Variants in SRBD1 observed in about 807,000 individuals in gnomAD.
SRBD1 encodes the protein S1 RNA binding domain 1, also known as S1 RNA-binding domain-containing protein 1.
Under a neutral mutation model 115.3 loss-of-function variants are expected in SRBD1, and 88 were observed. That is an observed-to-expected ratio of 0.76 (90% CI 0.64 to 0.91). The LOEUF is 0.91. Ranked by LOEUF, SRBD1 falls within the 40% of genes least tolerant of loss-of-function variation. SRBD1 has a pLI of 0.00. For missense variants in SRBD1, 1,385 were observed against 1,177.4 expected (o/e 1.18, Z -2.58); for synonymous variants, 509 against 407.7 (o/e 1.25, Z -2.99).
intron 14 of SRBD1, among the ~76,000 whole-genome samples, chr2:45,492,504 T>C (rs1286471294): frequency 1.3e-5 from 2 of 152,148 alleles, no homozygotes; most frequent in Non-Finnish European, 2.9e-5. Flanking sequence ...AGTGGCGCCA[T>C]CTCCGCTCAC....
chr2:45,492,691 G>A (rs1024679537), intron 14 of SRBD1, among the ~76,000 whole-genome samples: 2 of 151,780 alleles, frequency 1.3e-5, no homozygotes, highest in African/African-American at 4.8e-5. Flanking sequence ...CGCCTGCCTC[G>A]GCCTCCCAAA....
At chr2:45,546,108 T>C (rs939527595) in intron 14 of SRBD1, 1 of 948,116 alleles carries the variant, frequency 1.1e-6, no homozygotes, top group Non-Finnish European at 1.3e-6. Context: ...AAGGAAGACA[T>C]GACTATTGAG....
chr2:45,589,382 A>T (rs1305300314), intron 4 of SRBD1, among the ~76,000 whole-genome samples: 3 of 152,278 alleles, frequency 2.0e-5, no homozygotes, highest in East Asian at 3.9e-4. Flanking sequence ...TAAAGAAAAG[A>T]TCTCCCTGAG....
At chr2:45,391,939 C>T (rs1014455) in intron 20 of SRBD1, among the ~76,000 whole-genome samples, 145,925 of 152,166 alleles carry the variant, frequency 0.96, 70,019 homozygotes, top group East Asian at 1. Flanking sequence ...TTGAGAACCA[C>T]TGCTCCACCT....
Position 45,503,379 on chromosome 2 carries a change from G to T in SRBD1, c.1875-15048C>A, listed in dbSNP as rs1433079065. Among the ~76,000 whole-genome samples the T allele has an allele frequency of 2.6e-5, 4 of 152,154 alleles. No homozygotes were observed. The South Asian group carries it at 6.2e-4, about 24-fold the overall frequency. ...CCAGTGTTTTCATAATCATTGGTCA[G>T]CCCTATGGCTTTTGACATCCTACTT... On this transcript the variant is annotated intron_variant, in intron 14 of 20. Transcript: ENST00000263736.
At chr2:45,413,385 C>T (rs1487924721) in intron 18 of SRBD1, 92 bp from the exon 19 acceptor site, 19 of 1,419,822 alleles carry the variant, frequency 1.3e-5, no homozygotes, top group Non-Finnish European at 1.7e-5. Flanking sequence ...CTCTGTCATA[C>T]AAATATGCGA....
chr2:45,573,433 T>G (rs553692431), intron 8 of SRBD1, 91 bp from the exon 9 acceptor site: 1 of 1,452,148 alleles, frequency 6.9e-7, no homozygotes, highest in East Asian at 2.6e-5. Flanking sequence ...CAAAAAAAGT[T>G]AAGCCATTAC....
At chr2:45,534,318 T>C (rs1420379680) in intron 14 of SRBD1, among the ~76,000 whole-genome samples, 1 of 152,022 alleles carries the variant, frequency 6.6e-6, no homozygotes, top group African/African-American at 2.4e-5. Flanking sequence ...AACATAGTTT[T>C]ATTTTTTAAT....
intron 16 of SRBD1, among the ~76,000 whole-genome samples, chr2:45,459,555 AAAC>A (rs1669252405): frequency 6.6e-6 from 1 of 152,158 alleles, no homozygotes; most frequent in South Asian, 2.1e-4. Flanking sequence ...GCATATGAAT[AAAC>A]AACAGGAATA....
intron 16 of SRBD1, among the ~76,000 whole-genome samples, chr2:45,456,735 ACTAT>A (rs1389998891): frequency 6.6e-6 from 1 of 151,894 alleles, no homozygotes; most frequent in Non-Finnish European, 1.5e-5. Context: ...AAAATATTAA[ACTAT>A]CTATAACCCT....
chr2:45,481,337 G>A (rs905657764), intron 15 of SRBD1, among the ~76,000 whole-genome samples: 2 of 152,114 alleles, frequency 1.3e-5, no homozygotes, highest in African/African-American at 2.4e-5. Context: ...TGCAGAGCTC[G>A]AGGTTGAGAA....
At chr2:45,392,413 T>G (rs1667029197) in intron 20 of SRBD1, among the ~76,000 whole-genome samples, 1 of 152,222 alleles carries the variant, frequency 6.6e-6, no homozygotes, top group South Asian at 2.1e-4. Context: ...CAACTATGGT[T>G]GTTACATGGA....
At chr2:45,576,815 G>A (rs1318275685) in intron 7 of SRBD1, among the ~76,000 whole-genome samples, 2 of 152,170 alleles carry the variant, frequency 1.3e-5, no homozygotes, top group African/African-American at 4.8e-5. Context: ...CCTACAGGGA[G>A]AACCATTAAT....
chr2:45,495,130 G>T (rs1233094354), intron 14 of SRBD1, among the ~76,000 whole-genome samples: 1 of 152,182 alleles, frequency 6.6e-6, no homozygotes, highest in Non-Finnish European at 1.5e-5. Flanking sequence ...CAAAAGAACA[G>T]AATTATCTTG....
intron 14 of SRBD1, among the ~76,000 whole-genome samples, chr2:45,531,727 C>A (rs893297012): frequency 1.3e-5 from 2 of 151,828 alleles, no homozygotes; most frequent in Non-Finnish European, 2.9e-5. Context: ...CTAGAACAGA[C>A]AACAGCCTCT....
At chr2:45,556,588 G>T (rs1056879741) in intron 10 of SRBD1, among the ~76,000 whole-genome samples, 5 of 147,940 alleles carry the variant, frequency 3.4e-5, no homozygotes, top group Non-Finnish European at 5.9e-5. Flanking sequence ...TCAGCCTCCC[G>T]AGTAGCTGGG....
Position 45,389,278 on chromosome 2 carries a change from A to C in SRBD1, c.*32T>G, listed in dbSNP as rs757805402. The stretch of plus-strand genomic sequence containing the variant: ...CCTTGTCAATCTGTGGAAATGAGAA[A>C]ATAAAATCAGCGTCTGGCCTTCGTG... On this transcript the variant is annotated 3_prime_UTR_variant, in exon 21 of 21. Coordinates refer to ENST00000263736, the MANE Select transcript of SRBD1 (RefSeq NM_018079.5). 3.1e-6 allele frequency: 5 copies of C among 1,594,852 alleles called. No individual in the cohort carries two copies. In the East Asian group the frequency reaches 1.1e-4, roughly 36 times the overall value.
intron 5 of SRBD1, among the ~76,000 whole-genome samples, chr2:45,582,210 C>T (rs954746392): frequency 6.6e-6 from 1 of 152,128 alleles, no homozygotes; most frequent in African/African-American, 2.4e-5. Context: ...ATTTTCTTCT[C>T]CTTGATAAGG....
At chr2:45,460,144 T>G (rs183473437) in intron 16 of SRBD1, among the ~76,000 whole-genome samples, 1 of 152,272 alleles carries the variant, frequency 6.6e-6, no homozygotes, top group East Asian at 1.9e-4. Context: ...CATGTTCCAT[T>G]TTATTCACAA....
Sources: gnomAD v4.1 joint callset for allele counts (sites outside exome capture counted in the v4.1 genomes callset) on GRCh38, gnomAD v4.1.1 for gene constraint, MANE v1.5 for transcripts, NCBI Gene and HGNC (gene_info 2026-07-23, HGNC 2026-07-21) for gene names.